CSMD3: variants seen among roughly 807,000 people sequenced by gnomAD.
The protein encoded by CSMD3 is CUB and Sushi multiple domains 3.
Under a neutral mutation model 435.2 loss-of-function variants are expected in CSMD3, and 177 were observed. The observed-to-expected ratio is 0.41, with a 90% CI of 0.36 to 0.46. The LOEUF (loss-of-function observed/expected upper bound fraction) is 0.46. CSMD3 is among the 20% of genes least tolerant of loss of function. CSMD3 has a pLI of 0.34. For missense variants in CSMD3, 4,265 were observed against 4,504.6 expected (o/e 0.95, Z 1.52); for synonymous variants, 1,656 against 1,520.5 (o/e 1.09, Z -2.07).
intron 59 of CSMD3, among the ~76,000 whole-genome samples, chr8:112,276,941 C>G (rs906646290): frequency 6.6e-6 from 1 of 152,126 alleles, no homozygotes; most frequent in South Asian, 2.1e-4. Context: ...CTGCACACAG[C>G]AGGAAGGCCC....
intron 1 of CSMD3, chr8:113,376,979 G>A: frequency 7.6e-7 from 1 of 1,309,234 alleles, no homozygotes; most frequent in Non-Finnish European, 1.0e-6. Flanking sequence ...TGTGCGCTGC[G>A]CATGACCAGC....
chr8:113,310,636 G>T (rs1028325797), intron 2 of CSMD3: 4 of 151,700 alleles, frequency 2.6e-5, no homozygotes, highest in Admixed American at 2.6e-4. Context: ...AAGAATAAAA[G>T]ATGTAAGTCT....
chr8:112,408,431 C>T lies in CSMD3; in HGVS notation c.5510-18G>A, dbSNP rs112667405. On this transcript the variant is annotated intron_variant, in intron 33 of 70. Transcript: ENST00000297405. The stretch of plus-strand genomic sequence containing the variant: ...TGATTCTCCTACTCAACAAAACAAA[C>T]ACTAAGATATCATAAATAATTTTCA... 7.2e-7 allele frequency: 1 copy of T among 1,396,904 alleles called. No individual in the cohort carries two copies. Among genetic ancestry groups the T allele is most frequent in the Non-Finnish European group, 1.0e-6 (1 of 982,816 alleles). The allele number at this position is 1,396,904 out of a possible 1,614,324, so 86.5% of individuals were successfully genotyped here.
chr8:112,502,651 C>T (rs1265408761), intron 30 of CSMD3, among the ~76,000 whole-genome samples: 4 of 149,272 alleles, frequency 2.7e-5, no homozygotes, highest in African/African-American at 4.9e-5. Flanking sequence ...AAAGGAGTTT[C>T]CATTGTATAT....
chr8:113,225,992 T>C (rs936341275), intron 3 of CSMD3, among the ~76,000 whole-genome samples: 2 of 151,358 alleles, frequency 1.3e-5, no homozygotes, highest in Non-Finnish European at 3.0e-5. Context: ...AAGGGCTTTT[T>C]CCCCCTTCCC....
At chr8:112,262,190 T>G (rs1816475399) in intron 61 of CSMD3, among the ~76,000 whole-genome samples, 1 of 152,108 alleles carries the variant, frequency 6.6e-6, no homozygotes, top group Non-Finnish European at 1.5e-5. Flanking sequence ...GGTGTGTGTA[T>G]GTGTGTGAAC....
Position 113,196,088 on chromosome 8 carries a change from T to A in CSMD3, c.515-22172A>T, listed in dbSNP as rs73346371. On this transcript the variant is annotated intron_variant, in intron 3 of 70. Coordinates refer to ENST00000297405, the MANE Select transcript of CSMD3 (RefSeq NM_198123.2). ...TCAGTCCCTTTCTCACTCCACGAGA[T>A]ACTTATCTAATTTTTCTCTTGCATG... Among the ~76,000 whole-genome samples, 442 of 151,150 alleles carry A rather than the reference T, an allele frequency of 2.9e-3. 2 individuals are homozygous for A. The highest frequency in any genetic ancestry group is 9.8e-3 in the African/African-American group (407 of 41,446).
rs2093933648 is a variant in CSMD3, at chr8:113,319,394, TA to T, written c.179-4602del. Reference sequence around the variant, plus strand: ...TCTGTTCAGGTCTTTTGCCCATTTTTAAAATCAGGTTATTGTTTTTTCTGCT... The same window carrying T: ...TCTGTTCAGGTCTTTTGCCCATTTTTAAATCAGGTTATTGTTTTTTCTGCT... On this transcript the variant is annotated intron_variant, in intron 1 of 70. Transcript: ENST00000297405. Among the ~76,000 whole-genome samples the T allele has an allele frequency of 2.0e-5, 3 of 152,070 alleles. No homozygotes were observed. The South Asian group carries it at 6.2e-4, about 31-fold the overall frequency.
chr8:112,557,080 C>T lies in CSMD3; in HGVS notation c.4043-126G>A, dbSNP rs914241909. On this transcript the variant is annotated intron_variant, in intron 24 of 70. Coordinates refer to ENST00000297405, the MANE Select transcript of CSMD3 (RefSeq NM_198123.2). ...TTATTCTTAGTCATATTGCCCTTAC[C>T]ATATTTAATTTTCGTATCATACAAC... The T allele has an allele frequency of 7.8e-6, 5 of 642,472 alleles. No homozygotes were observed. In the African/African-American group the frequency reaches 9.2e-5, roughly 12 times the overall value. 39.8% of individuals were successfully genotyped at this position (642,472 alleles called of 1,614,324 possible). A position where few individuals can be genotyped will look rare whatever the true frequency, so the allele number is the denominator to read the frequency against.
intron 3 of CSMD3, among the ~76,000 whole-genome samples, chr8:113,177,438 A>G (rs952983847): frequency 6.6e-6 from 1 of 152,036 alleles, no homozygotes; most frequent in Non-Finnish European, 1.5e-5. Flanking sequence ...GACTTCAGTT[A>G]TCTTCTTTTA....
chr8:112,615,981 T>G (rs950451162), intron 22 of CSMD3, among the ~76,000 whole-genome samples: 1 of 152,170 alleles, frequency 6.6e-6, no homozygotes, highest in Non-Finnish European at 1.5e-5. Context: ...ACAGTGGCCA[T>G]GAAGCTTCTT....
chr8:113,167,502 T>C (rs2092175597), intron 4 of CSMD3, among the ~76,000 whole-genome samples: 1 of 152,208 alleles, frequency 6.6e-6, no homozygotes. Context: ...TCCATCACTT[T>C]AGATACTACT....
At chr8:112,720,039 G>T (rs981370606) in intron 13 of CSMD3, among the ~76,000 whole-genome samples, 1 of 152,112 alleles carries the variant, frequency 6.6e-6, no homozygotes, top group Non-Finnish European at 1.5e-5. Flanking sequence ...TGGTCATCGG[G>T]TTTCTCTGAA....
Position 112,265,415 on chromosome 8 carries a change from A to G in CSMD3, c.9684T>C (p.Cys3228=), listed in dbSNP as rs1466388055. 4 of 1,608,410 alleles carry G rather than the reference A, an allele frequency of 2.5e-6. No homozygotes were observed. Among genetic ancestry groups the G allele is most frequent in the East Asian group, 2.2e-5 (1 of 44,832 alleles). The change falls in exon 60 of 71, where the codon TGT becomes TGC. Residue 3228 remains cysteine (C), a synonymous_variant. Coordinates refer to ENST00000297405, the MANE Select transcript of CSMD3 (RefSeq NM_198123.2). ...NGTWSGVMPT[C]RAVTCPTPPQ... ...TTGAAGAAATCATTATCATACCTCT[A>G]CAAGTTGGCATTACTCCACTCCATG...
At chr8:112,416,639 A>T (rs1192433765) in intron 32 of CSMD3, among the ~76,000 whole-genome samples, 1 of 152,222 alleles carries the variant, frequency 6.6e-6, no homozygotes, top group African/African-American at 2.4e-5. Context: ...TGAAACGAGG[A>T]TAATGAAACA....
intron 1 of CSMD3, among the ~76,000 whole-genome samples, chr8:113,392,661 G>C (rs1025474004): frequency 6.6e-6 from 1 of 151,928 alleles, no homozygotes; most frequent in Non-Finnish European, 1.5e-5. Context: ...TCAACTATTA[G>C]AGAATGAGTA....
At chr8:112,723,867 T>C (rs1315301054) in intron 13 of CSMD3, among the ~76,000 whole-genome samples, 1 of 151,954 alleles carries the variant, frequency 6.6e-6, no homozygotes, top group African/African-American at 2.4e-5. Context: ...GGCACACCAA[T>C]GCAGTTATTT....
chr8:112,296,990 G>T (rs551069038), intron 53 of CSMD3, among the ~76,000 whole-genome samples: 79 of 150,752 alleles, frequency 5.2e-4, no homozygotes, highest in Middle Eastern at 3.5e-3. Flanking sequence ...CAGAAGAAAA[G>T]AAAAAAAATT....
chr8:112,421,448 G>A (rs967080923), intron 32 of CSMD3, among the ~76,000 whole-genome samples: 12 of 151,428 alleles, frequency 7.9e-5, no homozygotes, highest in Non-Finnish European at 1.3e-4. Context: ...GGAGGCTGAG[G>A]CAGGAGAATT....
Sources: gnomAD v4.1 joint callset for allele counts (sites outside exome capture counted in the v4.1 genomes callset) on GRCh38, gnomAD v4.1.1 for gene constraint, MANE v1.5 for transcripts, NCBI Gene and HGNC (gene_info 2026-07-23, HGNC 2026-07-21) for gene names.